Variants in DHRS9 observed in about 807,000 individuals in gnomAD.
DHRS9 encodes dehydrogenase/reductase 9, also known as dehydrogenase/reductase SDR family member 9.
In DHRS9, 18 loss-of-function variants were observed where a neutral mutation model predicts 26.6. The ratio of observed to expected loss-of-function variants is 0.68; its 90% CI spans 0.47 to 1.00. The LOEUF (loss-of-function observed/expected upper bound fraction) is 1.00, where lower values mean the gene tolerates loss of function less well. Among genes scored for constraint, DHRS9 ranks in the 50% least tolerant of loss-of-function variants. The pLI, the probability that DHRS9 is intolerant of heterozygous loss-of-function variation, is 0.00. For synonymous variants in DHRS9, 134 were observed against 141.1 expected (o/e 0.95, Z 0.36); for missense variants, 425 against 378.7 (o/e 1.12, Z -1.01).
Position 169,090,767 on chromosome 2 carries a change from C to T in DHRS9, c.573-1023C>T, listed in dbSNP as rs555443465. 2.6e-5 allele frequency among the ~76,000 whole-genome samples: 4 copies of T among 152,270 alleles called. No homozygotes were observed. The South Asian group carries it at 6.2e-4, about 24-fold the overall frequency. On this transcript the variant is annotated intron_variant, in intron 3 of 4. Transcript: ENST00000674881. The stretch of plus-strand genomic sequence containing the variant: ...TGCAATGTTAAACATGACTTTTCAA[C>T]TTTACAATGGTGTGAAAGTGAGATG...
upstream of DHRS9, among the ~76,000 whole-genome samples, chr2:169,068,939 A>G (rs934800217): frequency 6.6e-6 from 1 of 152,166 alleles, no homozygotes; most frequent in Admixed American, 6.5e-5. Flanking sequence ...ACGCCAGGTC[A>G]ACTGTGATCA....
At chr2:169,071,877 T>A (rs982805099) in intron 1 of DHRS9, among the ~76,000 whole-genome samples, 15 of 150,642 alleles carry the variant, frequency 1.0e-4, no homozygotes, top group South Asian at 4.2e-4. Flanking sequence ...CATTAAAAAA[T>A]TTTTTTTTCA....
intron 1 of DHRS9, chr2:169,072,832 A>G (rs79066948): frequency 0.019 from 3,833 of 205,554 alleles, 161 homozygotes; most frequent in African/African-American, 0.085. Context: ...TCTTTCACAC[A>G]GTTTAGAGTT....
At chr2:169,081,290 C>T (rs1684173337) in intron 1 of DHRS9, 1 of 818,154 alleles carries the variant, frequency 1.2e-6, no homozygotes, top group Non-Finnish European at 1.7e-6. Flanking sequence ...CCCTCTCCCT[C>T]TCTTCCATTT....
intron 1 of DHRS9, among the ~76,000 whole-genome samples, chr2:169,071,859 C>T (rs906160570): frequency 6.6e-6 from 1 of 152,034 alleles, no homozygotes; most frequent in Non-Finnish European, 1.5e-5. Flanking sequence ...TGTAGGGTCC[C>T]TTGGTGCCAT....
At chr2:169,071,000 C>G (rs1001933293) in intron 1 of DHRS9, among the ~76,000 whole-genome samples, 3 of 151,738 alleles carry the variant, frequency 2.0e-5, no homozygotes, top group Non-Finnish European at 2.9e-5. Flanking sequence ...GGAGGTGGAG[C>G]TTGCAGTGAG....
intron 1 of DHRS9, among the ~76,000 whole-genome samples, chr2:169,078,182 CCTCT>C (rs1206514659): frequency 6.6e-6 from 1 of 152,148 alleles, no homozygotes; most frequent in Non-Finnish European, 1.5e-5. Flanking sequence ...AATAATATGC[CCTCT>C]CTAACTCAAA....
Position 169,081,505 on chromosome 2 carries a change from T to C in DHRS9, c.-59-18T>C, listed in dbSNP as rs530215580. On this transcript the variant is annotated intron_variant, in intron 1 of 4. Transcript: ENST00000674881. Reference sequence around the variant, plus strand: ...GGTAGTTCTAATTTGAATTTTCTTTTTCACTTTGAACACTCAGGACACCAT... The same window carrying C: ...GGTAGTTCTAATTTGAATTTTCTTTCTCACTTTGAACACTCAGGACACCAT... The C allele has an allele frequency of 1.3e-6, 2 of 1,533,858 alleles. No individual in the cohort carries two copies. Among genetic ancestry groups the C allele is most frequent in the East Asian group, 2.3e-5 (1 of 44,122 alleles).
chr2:169,092,091 A>G (rs1320664982), intron 4 of DHRS9, 138 bp downstream of exon 4: 2 of 1,012,862 alleles, frequency 2.0e-6, no homozygotes, highest in Admixed American at 6.1e-5. Flanking sequence ...GGGATCTCCT[A>G]TTAATTTCAG....
In DHRS9 at chr2:169,095,558, A is replaced by G. The variant is rs778360722; in HGVS notation, c.751A>G (p.Lys251Glu). ...GYIEKSLDKL[K>E]GNKSYVNMDL... is the part of the protein sequence containing the mutation. ...TCTCTTTTTAGGTCTAGACAAACTG[A>G]AAGGCAATAAATCCTATGTGAACAT... Residue 251 changes from lysine (K) to glutamate (E), a missense_variant, in exon 5 of 5, where the codon AAA (lysine) becomes GAA (glutamate). Transcript: ENST00000674881. The G allele has an allele frequency of 1.7e-5, 27 of 1,613,636 alleles. 1 individual carries two copies. Among genetic ancestry groups the G allele is most frequent in the Admixed American group, 3.3e-5 (2 of 59,982 alleles).
intron 3 of DHRS9, among the ~76,000 whole-genome samples, chr2:169,085,945 C>T (rs1684336045): frequency 6.6e-6 from 1 of 152,108 alleles, no homozygotes; most frequent in Non-Finnish European, 1.5e-5. Flanking sequence ...CCTTTGGGAG[C>T]TTGATTAATA....
intron 4 of DHRS9, among the ~76,000 whole-genome samples, chr2:169,094,353 T>A (rs1362882180): frequency 1.3e-5 from 2 of 152,152 alleles, no homozygotes; most frequent in Non-Finnish European, 2.9e-5. Flanking sequence ...TTGCAAATAT[T>A]TTTTCCCATT....
upstream of DHRS9, chr2:169,069,443 C>T (rs1034828135): frequency 8.1e-6 from 8 of 985,278 alleles, no homozygotes; most frequent in Middle Eastern, 5.2e-4. Context: ...TTGAAACATG[C>T]GACCTACAGC....
At position 169,083,258 on chromosome 2, in the gene DHRS9, G is replaced by T. The variant is rs573176029; in HGVS notation, c.314-71G>T. 2,242 of 1,548,580 alleles carry T rather than the reference G, an allele frequency of 1.4e-3. 5 individuals are homozygous for T. The highest frequency in any genetic ancestry group is 1.8e-3 in the Non-Finnish European group (2,029 of 1,132,502). On this transcript the variant is annotated intron_variant, in intron 2 of 4. Transcript: ENST00000674881. Reference sequence around the variant, plus strand: ...AATGGCACCATTGTGCAAAGCAGGGGCTGTATTTTCATCAAAGGTGGCAAA... The same window carrying T: ...AATGGCACCATTGTGCAAAGCAGGGTCTGTATTTTCATCAAAGGTGGCAAA...
chr2:169,083,235 T>A (rs1466372453), intron 2 of DHRS9, 94 bp from the exon 3 acceptor site: 2 of 1,460,656 alleles, frequency 1.4e-6, no homozygotes, highest in African/African-American at 2.8e-5. Context: ...AAGGAGGAAA[T>A]GGCACCATTG....
At chr2:169,088,328 C>T (rs140423433) in intron 3 of DHRS9, among the ~76,000 whole-genome samples, 6 of 152,270 alleles carry the variant, frequency 3.9e-5, no homozygotes, top group South Asian at 2.1e-4. Context: ...ACCCCAAGTA[C>T]GCAGATTCTG....
At chr2:169,093,521 G>A (rs1684600980) in intron 4 of DHRS9, among the ~76,000 whole-genome samples, 1 of 152,110 alleles carries the variant, frequency 6.6e-6, no homozygotes, top group African/African-American at 2.4e-5. Context: ...TTCCATCTAA[G>A]ATGGAACTTA....
At position 169,083,318 on chromosome 2, in the gene DHRS9, C is replaced by G. The variant is rs200241158; in HGVS notation, c.314-11C>G. The G allele has an allele frequency of 1.2e-6, 2 of 1,611,632 alleles. No homozygotes were observed. The highest frequency in any genetic ancestry group is 1.3e-5 in the African/African-American group (1 of 74,888). On this transcript the variant is annotated splice_polypyrimidine_tract_variant and intron_variant, in intron 2 of 4. Transcript: ENST00000674881. ...TCTTACCACACCTCTTTTCCTTCCTCTCTGTTCTAGGTCTCTGGGGTCTGA... is the reference window on the plus strand; with the variant it reads ...TCTTACCACACCTCTTTTCCTTCCTGTCTGTTCTAGGTCTCTGGGGTCTGA...
At chr2:169,079,914 GGAGGGGGAGAGAGAGAGAGAGAGAGA>G (rs1684101401) in intron 1 of DHRS9, among the ~76,000 whole-genome samples, 1 of 44,812 alleles carries the variant, frequency 2.2e-5, no homozygotes, top group African/African-American at 1.6e-4. Flanking sequence ...AGGGAGGGAG[GGAGGGGGAGAGAGAGAGAGAGAGAGA>G]GAGAGAGAGA....
Sources: gnomAD v4.1 joint callset for allele counts (sites outside exome capture counted in the v4.1 genomes callset) on GRCh38, gnomAD v4.1.1 for gene constraint, MANE v1.5 for transcripts, NCBI Gene and HGNC (gene_info 2026-07-23, HGNC 2026-07-21) for gene names.